DIS3L2: variants seen among roughly 807,000 people sequenced by gnomAD.
DIS3L2 encodes the protein DIS3 like 3'-5' exoribonuclease 2.
In DIS3L2, 34 loss-of-function variants were observed where a neutral mutation model predicts 97.5. The ratio of observed to expected loss-of-function variants is 0.35; its 90% confidence interval spans 0.27 to 0.46. DIS3L2 has a LOEUF of 0.46. Among genes scored for constraint, DIS3L2 ranks in the 20% least tolerant of loss-of-function variants. DIS3L2 has a pLI of 1.00. For missense variants in DIS3L2, 1,038 were observed against 1,146.0 expected (o/e 0.91, Z 1.36); for synonymous variants, 435 against 445.2 (o/e 0.98, Z 0.29).
chr2:231,974,370 C>G (rs1240181114), intron 1 of DIS3L2, among the ~76,000 whole-genome samples: 1 of 151,926 alleles, frequency 6.6e-6, no homozygotes, highest in African/African-American at 2.4e-5. Flanking sequence ...TCTCAGCTGT[C>G]AATTTTTTTT....
At chr2:232,031,706 AT>A (rs1694808824) in intron 5 of DIS3L2, among the ~76,000 whole-genome samples, 1 of 151,554 alleles carries the variant, frequency 6.6e-6, no homozygotes, top group African/African-American at 2.4e-5. Context: ...CTGTGCCCAT[AT>A]GTTCTCATTG....
At chr2:232,233,158 C>G (rs1272897765) in intron 10 of DIS3L2, among the ~76,000 whole-genome samples, 1 of 152,234 alleles carries the variant, frequency 6.6e-6, no homozygotes, top group African/African-American at 2.4e-5. Context: ...CCAGGCATCA[C>G]ATGTGCCTTA....
At chr2:232,072,677 C>G (rs1167899969) in intron 5 of DIS3L2, among the ~76,000 whole-genome samples, 2 of 151,954 alleles carry the variant, frequency 1.3e-5, no homozygotes, top group African/African-American at 4.8e-5. Context: ...CAGGGAGACC[C>G]CTTACATGGC....
chr2:232,161,749 A>T (rs1446133539), intron 8 of DIS3L2, among the ~76,000 whole-genome samples: 1 of 150,980 alleles, frequency 6.6e-6, no homozygotes, highest in African/African-American at 2.4e-5. Context: ...GGGATTACAG[A>T]TGTGAGCCAC....
At chr2:231,995,609 T>G (rs537366032) in intron 1 of DIS3L2, among the ~76,000 whole-genome samples, 9 of 152,200 alleles carry the variant, frequency 5.9e-5, no homozygotes, top group African/African-American at 2.2e-4. Flanking sequence ...AAACCACTCT[T>G]GATACTAACA....
intron 5 of DIS3L2, among the ~76,000 whole-genome samples, chr2:232,060,691 G>T (rs1695679994): frequency 1.3e-5 from 2 of 152,078 alleles, no homozygotes; most frequent in South Asian, 4.1e-4. Context: ...TTTATATGAA[G>T]AATATCATTG....
intron 8 of DIS3L2, among the ~76,000 whole-genome samples, chr2:232,142,997 G>A (rs1690111988): frequency 6.6e-6 from 1 of 152,176 alleles, no homozygotes; most frequent in Non-Finnish European, 1.5e-5. Flanking sequence ...GGTAATCACT[G>A]CAAGAGTGCA....
chr2:232,145,898 G>A (rs1690202726), intron 8 of DIS3L2, among the ~76,000 whole-genome samples: 1 of 152,034 alleles, frequency 6.6e-6, no homozygotes, highest in South Asian at 2.1e-4. Context: ...TTCTTTTTAT[G>A]GATGATCCCC....
At chr2:232,202,706 C>T (rs542480958) in intron 9 of DIS3L2, among the ~76,000 whole-genome samples, 1 of 152,092 alleles carries the variant, frequency 6.6e-6, no homozygotes, top group South Asian at 2.1e-4. Context: ...GTCACTTTAC[C>T]ACTGAGTGTG....
intron 1 of DIS3L2, among the ~76,000 whole-genome samples, chr2:232,006,412 G>T (rs532656640): frequency 6.6e-6 from 1 of 152,324 alleles, no homozygotes; most frequent in African/African-American, 2.4e-5. Flanking sequence ...AGAATAGACA[G>T]AATTTGGTAA....
At chr2:232,282,388 A>G (rs1288034332) in intron 13 of DIS3L2, among the ~76,000 whole-genome samples, 1 of 152,180 alleles carries the variant, frequency 6.6e-6, no homozygotes, top group Non-Finnish European at 1.5e-5. Flanking sequence ...GCCACTTTCA[A>G]TAAATCATGA....
At chr2:232,113,911 ACCCT>A (rs3034849) in intron 6 of DIS3L2, among the ~76,000 whole-genome samples, 140,616 of 151,992 alleles carry the variant, frequency 0.93, 65,112 homozygotes, top group East Asian at 1. Context: ...CAGGATTCTG[ACCCT>A]CCCTCCCTAA....
At chr2:232,155,246 A>C (rs544285811) in intron 8 of DIS3L2, among the ~76,000 whole-genome samples, 5 of 151,998 alleles carry the variant, frequency 3.3e-5, no homozygotes, top group African/African-American at 9.7e-5. Flanking sequence ...AATTTTCTAA[A>C]GGTCCAATAA....
In DIS3L2 at chr2:232,077,726, G is replaced by T. The variant is rs966563807; in HGVS notation, c.367-9761G>T. ...TGCAGCATGCACTCAGGTAATAAGTGCAGTCAGCTGCCCCACCCTTGCAGG... is the reference window on the plus strand; with the variant it reads ...TGCAGCATGCACTCAGGTAATAAGTTCAGTCAGCTGCCCCACCCTTGCAGG... On this transcript the variant is annotated intron_variant, in intron 5 of 20. Transcript: ENST00000325385. Among the ~76,000 whole-genome samples the T allele has an allele frequency of 2.0e-5, 3 of 152,216 alleles. No individual in the cohort carries two copies. In the East Asian group the frequency reaches 5.8e-4, roughly 29 times the overall value.
chr2:232,079,264 G>T (rs1387030021), intron 5 of DIS3L2, among the ~76,000 whole-genome samples: 1 of 152,096 alleles, frequency 6.6e-6, no homozygotes, highest in East Asian at 1.9e-4. Flanking sequence ...TAAATAAGGA[G>T]ATATATACTT....
At chr2:232,055,618 G>A (rs759671466) in intron 5 of DIS3L2, among the ~76,000 whole-genome samples, 7 of 152,162 alleles carry the variant, frequency 4.6e-5, no homozygotes, top group Admixed American at 2.0e-4. Context: ...TGTGTGGAAA[G>A]TAACAAGCTG....
At chr2:232,336,217 G>T (rs1695940639) in intron 20 of DIS3L2, 4 of 1,537,766 alleles carry the variant, frequency 2.6e-6, no homozygotes, top group Non-Finnish European at 3.5e-6. Context: ...CCAACAGTGT[G>T]CCCTGAACGC....
intron 7 of DIS3L2, among the ~76,000 whole-genome samples, chr2:232,132,460 C>T (rs1331088264): frequency 6.6e-6 from 1 of 152,056 alleles, no homozygotes; most frequent in Non-Finnish European, 1.5e-5. Flanking sequence ...CAAGAGGCAA[C>T]CAAAGGAGAA....
At chr2:232,133,688 T>C (rs1698278903) in intron 7 of DIS3L2, among the ~76,000 whole-genome samples, 1 of 151,942 alleles carries the variant, frequency 6.6e-6, no homozygotes, top group East Asian at 1.9e-4. Flanking sequence ...AGCAAAGAGT[T>C]AGAAATTATA....
Sources: gnomAD v4.1 joint callset for allele counts (sites outside exome capture counted in the v4.1 genomes callset) on GRCh38, gnomAD v4.1.1 for gene constraint, MANE v1.5 for transcripts, NCBI Gene and HGNC (gene_info 2026-07-23, HGNC 2026-07-21) for gene names.